YOD1: variants seen among roughly 807,000 people sequenced by gnomAD.
The protein encoded by YOD1 is ubiquitin thioesterase OTU1.
YOD1 carries 17 observed loss-of-function variants against 23.7 expected under a neutral mutation model. The ratio of observed to expected loss-of-function variants is 0.72; its 90% CI spans 0.49 to 1.07. The LOEUF (loss-of-function observed/expected upper bound fraction) is 1.07. Among genes scored for constraint, YOD1 ranks in the 50% least tolerant of loss-of-function variants. The pLI is 0.00. For missense variants in YOD1, 413 were observed against 447.2 expected (o/e 0.92, Z 0.69); for synonymous variants, 191 against 169.6 (o/e 1.13, Z -0.98).
At chr1:207,051,678 A>G (rs1016548199), upstream of YOD1, among the ~76,000 whole-genome samples, 1 of 152,240 alleles carries the variant, frequency 6.6e-6, no homozygotes, top group Non-Finnish European at 1.5e-5. Context: ...GTTCCTGGGC[A>G]TACAAATATG....
rs541755486 is a variant in YOD1, at chr1:207,044,296, A to T, written c.*4724T>A. On this transcript the variant is annotated 3_prime_UTR_variant, in exon 2 of 2. Coordinates refer to ENST00000315927, the MANE Select transcript of YOD1 (RefSeq NM_018566.4). ...CATTCTGTATTTAGGCTGAATTCAA[A>T]TTTTTTTCAAGGAAAAATACTATTC... 2.6e-5 allele frequency: 4 copies of T among 152,622 alleles called. No homozygotes were observed. The highest frequency in any genetic ancestry group is 5.9e-5 in the Non-Finnish European group (4 of 67,962). The allele number at this position is 152,622 out of a possible 1,614,324, so 9.5% of individuals were successfully genotyped here.
chr1:207,048,457 G>A lies in YOD1; in HGVS notation c.*563C>T, dbSNP rs1183483909. On this transcript the variant is annotated 3_prime_UTR_variant, in exon 2 of 2. Transcript: ENST00000315927. ...ACAATTCTGAGTATCTTCATTTGAT[G>A]AATCAATTCATAATTTAGAAACTTA... is the stretch of plus-strand genomic sequence containing the variant. The A allele has an allele frequency of 1.3e-5, 2 of 154,062 alleles. No individual in the cohort carries two copies. Among genetic ancestry groups the A allele is most frequent in the South Asian group, 4.1e-4 (2 of 4,922 alleles). The allele number at this position is 154,062 out of a possible 1,614,324, so 9.5% of individuals were successfully genotyped here.
rs751290883 is a variant in YOD1 at position 207,049,212 on chromosome 1, A to G, written c.855T>C (p.Ile285=). 1.2e-6 allele frequency: 2 copies of G among 1,614,090 alleles called. No individual in the cohort carries two copies. Among genetic ancestry groups the G allele is most frequent in the Non-Finnish European group, 1.7e-6 (2 of 1,180,022 alleles). The change falls in exon 2 of 2, where the codon ATT becomes ATC. Residue 285 remains isoleucine (I), a synonymous_variant. Coordinates refer to ENST00000315927, the MANE Select transcript of YOD1 (RefSeq NM_018566.4). ...GAACAATATCATCATTAGAGGAGAAAATGGTCAGAGGAGGTGTATCTGGAT... is the reference window on the plus strand; with the variant it reads ...GAACAATATCATCATTAGAGGAGAAGATGGTCAGAGGAGGTGTATCTGGAT... The part of the protein sequence containing the change: ...FPDPDTPPLT[I]FSSNDDIVLV...
chr1:207,052,112 G>A, upstream of YOD1: 1 of 1,328,662 alleles, frequency 7.5e-7, no homozygotes, highest in Non-Finnish European at 1.1e-6. Context: ...CTTGCCAAGA[G>A]TGGGTTTATC....
rs1318017773 is a variant in YOD1, at chr1:207,047,604, A to G, written c.*1416T>C. 2 of 152,640 alleles carry G rather than the reference A, an allele frequency of 1.3e-5. No individual in the cohort carries two copies. 9.5% of individuals were successfully genotyped at this position (152,640 alleles called of 1,614,324 possible). A position where few individuals can be genotyped will look rare whatever the true frequency, so the allele number is the denominator to read the frequency against. On this transcript the variant is annotated 3_prime_UTR_variant, in exon 2 of 2. Coordinates refer to ENST00000315927, the MANE Select transcript of YOD1 (RefSeq NM_018566.4). Reference sequence around the variant, plus strand: ...AATACATAACAAATTATAATTTAGCATCCCTGATCAGAATAATTAAGAAAA... The same window carrying G: ...AATACATAACAAATTATAATTTAGCGTCCCTGATCAGAATAATTAAGAAAA...
intron 1 of YOD1, 51 bp from the exon 2 acceptor site, chr1:207,049,774 C>T (rs746585180): frequency 1.3e-6 from 2 of 1,515,724 alleles, no homozygotes; most frequent in Admixed American, 2.0e-5. Context: ...CAGAAGAAAC[C>T]GAGTGTTCTC....
rs940366386 is a variant in YOD1, at chr1:207,045,926, T to C, written c.*3094A>G. The C allele has an allele frequency of 4.6e-5, 7 of 152,102 alleles. No individual in the cohort carries two copies. Among genetic ancestry groups the C allele is most frequent in the Admixed American group, 3.9e-4 (6 of 15,276 alleles). 9.4% of individuals were successfully genotyped at this position (152,102 alleles called of 1,614,324 possible). A position where few individuals can be genotyped will look rare whatever the true frequency, so the allele number is the denominator to read the frequency against. On this transcript the variant is annotated 3_prime_UTR_variant, in exon 2 of 2. Transcript: ENST00000315927. ...AAGCGTCAAGGGTACCACTTGACTATGCTAATTTCATGGGAAACAATGAAG... is the reference window on the plus strand; with the variant it reads ...AAGCGTCAAGGGTACCACTTGACTACGCTAATTTCATGGGAAACAATGAAG...
In YOD1 at chr1:207,047,677, T is replaced by TAAA. The variant is rs1682631669; in HGVS notation, c.*1342_*1343insTTT. 1.3e-5 allele frequency: 2 copies of TAAA among 152,684 alleles called. No individual in the cohort carries two copies. The highest frequency in any genetic ancestry group is 4.8e-5 in the African/African-American group (2 of 41,488). The allele number at this position is 152,684 out of a possible 1,614,324, so 9.5% of individuals were successfully genotyped here. A position where few individuals can be genotyped will look rare whatever the true frequency, so the allele number is the denominator to read the frequency against. On this transcript the variant is annotated 3_prime_UTR_variant, in exon 2 of 2. Coordinates refer to ENST00000315927, the MANE Select transcript of YOD1 (RefSeq NM_018566.4). Reference sequence around the variant, plus strand: ...AAGATCTTGTAGTGAAGCTAAGTTTTAGAGGGTGTGCCTTGCGGATTAGTC... The same window carrying TAAA: ...AAGATCTTGTAGTGAAGCTAAGTTTTAAAAGAGGGTGTGCCTTGCGGATTAGTC...
rs1203754356 is a variant in YOD1, at chr1:207,050,999, C to T, written c.32G>A (p.Gly11Glu). 6.5e-7 allele frequency: 1 copy of T among 1,527,186 alleles called. No individual in the cohort carries two copies. Among genetic ancestry groups the T allele is most frequent in the Non-Finnish European group, 8.8e-7 (1 of 1,136,290 alleles). 94.6% of individuals were successfully genotyped at this position (1,527,186 alleles called of 1,614,324 possible). Residue 11 changes from glycine to glutamate, a missense_variant, in exon 1 of 2, where the codon GGA (glycine) becomes GAA (glutamate). Transcript: ENST00000315927. ...GGGGAAACCAGGCGCCGGGTGGACT[C>T]CAAAATGGCGACCTTTAGCGGGGCC... MFGPAKGRHF[G>E]VHPAPGFPGG...
intron 1 of YOD1, among the ~76,000 whole-genome samples, chr1:207,050,486 C>A (rs1344701684): frequency 6.6e-6 from 1 of 152,196 alleles, no homozygotes. Flanking sequence ...GGTTCCCTTT[C>A]AACCCTGTGT....
intron 1 of YOD1, among the ~76,000 whole-genome samples, chr1:207,050,019 C>A (rs1682698236): frequency 6.6e-6 from 1 of 152,296 alleles, no homozygotes; most frequent in East Asian, 1.9e-4. Flanking sequence ...ATTTCCTTTC[C>A]TTATACAGTA....
Position 207,045,229 on chromosome 1 carries a change from C to T in YOD1, c.*3791G>A, listed in dbSNP as rs577895401. 44 of 152,370 alleles carry T rather than the reference C, an allele frequency of 2.9e-4. No homozygotes were observed. The highest frequency in any genetic ancestry group is 6.0e-4 in the Non-Finnish European group (41 of 67,924). 9.4% of individuals were successfully genotyped at this position (152,370 alleles called of 1,614,324 possible). A position where few individuals can be genotyped will look rare whatever the true frequency, so the allele number is the denominator to read the frequency against. ...TTTTAGAAATTATCAGTCATCTCTG[C>T]ACTACAAGGACAAATTTGAATACTG... On this transcript the variant is annotated 3_prime_UTR_variant, in exon 2 of 2. Transcript: ENST00000315927.
Position 207,045,605 on chromosome 1 carries a change from A to G in YOD1, c.*3415T>C, listed in dbSNP as rs1423809023. 1 of 152,334 alleles carries G rather than the reference A, an allele frequency of 6.6e-6. No individual in the cohort carries two copies. The highest frequency in any genetic ancestry group is 1.5e-5 in the Non-Finnish European group (1 of 67,920). The allele number at this position is 152,334 out of a possible 1,614,324, so 9.4% of individuals were successfully genotyped here. A position where few individuals can be genotyped will look rare whatever the true frequency, so the allele number is the denominator to read the frequency against. ...AAGGCCACCTGATTTGTCAAAAAAA[A>G]AAAAAAATCACTCTTGCTTAATCTT... On this transcript the variant is annotated 3_prime_UTR_variant, in exon 2 of 2. Coordinates refer to ENST00000315927, the MANE Select transcript of YOD1 (RefSeq NM_018566.4).
At chr1:207,050,568 C>T (rs1354671763) in intron 1 of YOD1, 120 bp downstream of exon 1, 3 of 1,341,492 alleles carry the variant, frequency 2.2e-6, no homozygotes, top group African/African-American at 1.5e-5. Context: ...TATCCTCGCC[C>T]CTGGCCTCAA....
At position 207,046,110 on chromosome 1, in the gene YOD1, A is replaced by G. The variant is rs1682595999; in HGVS notation, c.*2910T>C. On this transcript the variant is annotated 3_prime_UTR_variant, in exon 2 of 2. Transcript: ENST00000315927. ...CTACACCTGACCTTTAATCCAAAGA[A>G]AAGTAAGAGAAAGGAAGAAGGGTGG... is the stretch of plus-strand genomic sequence containing the variant. 1 of 152,082 alleles carries G rather than the reference A, an allele frequency of 6.6e-6. No individual in the cohort carries two copies. Among genetic ancestry groups the G allele is most frequent in the Non-Finnish European group, 1.5e-5 (1 of 67,926 alleles). The allele number at this position is 152,082 out of a possible 1,614,324, so 9.4% of individuals were successfully genotyped here. A position where few individuals can be genotyped will look rare whatever the true frequency, so the allele number is the denominator to read the frequency against.
Position 207,049,625 on chromosome 1 carries a change from C to A in YOD1, c.442G>T (p.Val148Leu), listed in dbSNP as rs757234099. ...GCTGGGACCACGGTTCTGGTAAGCA[C>A]AGGCAAAGTTTCCCTGACGTAACTA... ...ASSYVRETLPVLTRTVVPADN... is the reference protein window; with the variant it reads ...ASSYVRETLPLLTRTVVPADN... Residue 148 changes from valine (V) to leucine (L), a missense_variant, in exon 2 of 2, where the codon GTG (valine) becomes TTG (leucine). By Grantham distance (32) the Val-to-Leu change is conservative. Transcript: ENST00000315927. 52 of 1,614,200 alleles carry A rather than the reference C, an allele frequency of 3.2e-5. No homozygotes were observed. Among genetic ancestry groups the A allele is most frequent in the Non-Finnish European group, 4.4e-5 (52 of 1,180,042 alleles).
At chr1:207,051,355 A>G (rs1682748685), upstream of YOD1, among the ~76,000 whole-genome samples, 1 of 151,194 alleles carries the variant, frequency 6.6e-6, no homozygotes. Flanking sequence ...CTACACCCAG[A>G]CTACACCAGG....
Position 207,048,927 on chromosome 1 carries a change from C to T in YOD1, c.*93G>A. On this transcript the variant is annotated 3_prime_UTR_variant, in exon 2 of 2. Transcript: ENST00000315927. Reference sequence around the variant, plus strand: ...TAAAAGGATGGTTCAAGCATTGTATCCTTTGTTCTTTAGGGTTACCATAGC... The same window carrying T: ...TAAAAGGATGGTTCAAGCATTGTATTCTTTGTTCTTTAGGGTTACCATAGC... 2 of 1,152,124 alleles carry T rather than the reference C, an allele frequency of 1.7e-6. No homozygotes were observed. Among genetic ancestry groups the T allele is most frequent in the South Asian group, 3.0e-5 (2 of 67,270 alleles). 71.4% of individuals were successfully genotyped at this position (1,152,124 alleles called of 1,614,324 possible).
In YOD1 at chr1:207,049,664, T is replaced by C; in HGVS notation, c.403A>G (p.Lys135Glu). Residue 135 changes from lysine to glutamate, a missense_variant, in exon 2 of 2, where the codon AAA (lysine) becomes GAA (glutamate). Transcript: ENST00000315927. The stretch of plus-strand genomic sequence containing the variant: ...CTGACGTAACTAGAAGCACCACGTT[T>C]AGTAAATGCAGGTGAACTTCTGGGC... ...TRPRSSPAFT[K>E]RGASSYVRET... 7 of 1,614,204 alleles carry C rather than the reference T, an allele frequency of 4.3e-6. No individual in the cohort carries two copies. Among genetic ancestry groups the C allele is most frequent in the African/African-American group, 2.7e-5 (2 of 75,058 alleles).
Sources: allele counts gnomAD v4.1 joint callset (sites outside exome capture counted in the v4.1 genomes callset), GRCh38; gene constraint gnomAD v4.1.1; transcripts MANE v1.5; gene names NCBI Gene and HGNC (gene_info 2026-07-23, HGNC 2026-07-21).